CGGBP1: variants seen among roughly 807,000 people sequenced by gnomAD.
CGGBP1 encodes CGG triplet repeat binding protein 1.
CGGBP1 carries 4 observed loss-of-function variants against 11.4 expected under a neutral mutation model. The ratio of observed to expected loss-of-function variants is 0.35; its 90% CI spans 0.17 to 0.80. The LOEUF is 0.80. CGGBP1 is among the 30% of genes least tolerant of loss of function. CGGBP1 has a pLI of 0.52. For missense variants in CGGBP1, 135 were observed against 202.1 expected, an observed-to-expected ratio of 0.67 and a Z score of 2.01; for synonymous variants, 76 against 74.1, an observed-to-expected ratio of 1.03 and a Z score of -0.13.
rs1383798800 is a variant in CGGBP1, at chr3:88,107,093, C to A, written c.-229+33877G>T. Among the ~76,000 whole-genome samples the A allele has an allele frequency of 2.6e-5, 4 of 152,098 alleles. No individual in the cohort carries two copies. The South Asian group carries it at 6.2e-4, about 24-fold the overall frequency. On this transcript the variant is annotated intron_variant, in intron 2 of 3. Coordinates refer to the CGGBP1 transcript ENST00000462901. ...CACAATTTTGTAATGAAATTGTCTA[C>A]CCCCAGAAAAACTTGAAGATACTTT...
chr3:88,099,445 A>G (rs1278457900), intron 2 of CGGBP1, among the ~76,000 whole-genome samples: 4 of 152,184 alleles, frequency 2.6e-5, no homozygotes, highest in Admixed American at 6.6e-5. Context: ...CAAGCTACCA[A>G]TGCCTTTCTT....
rs1291447835 is a variant in CGGBP1, at chr3:88,129,961, ATAG to A, written c.-229+11006_-229+11008del. 16 of 708,866 alleles carry A rather than the reference ATAG, an allele frequency of 2.3e-5. No homozygotes were observed. In the African/African-American group the frequency reaches 2.3e-4, roughly 10 times the overall value. The allele number at this position is 708,866 out of a possible 1,614,324, so 43.9% of individuals were successfully genotyped here. A position where few individuals can be genotyped will look rare whatever the true frequency, so the allele number is the denominator to read the frequency against. On this transcript the variant is annotated intron_variant, in intron 2 of 3. Coordinates refer to the CGGBP1 transcript ENST00000462901. Reference sequence around the variant, plus strand: ...AAAAAAATTGATTGTGCAAGGAACAATAGTAGATTCTAAGAACTAGAGACTTTA... The same window carrying A: ...AAAAAAATTGATTGTGCAAGGAACAATAGATTCTAAGAACTAGAGACTTTA...
chr3:88,137,187 T>A (rs1431347150), intron 2 of CGGBP1, among the ~76,000 whole-genome samples: 1 of 95,274 alleles, frequency 1.0e-5, no homozygotes, highest in East Asian at 3.2e-4. Context: ...AGTGCGAGAC[T>A]CTGTCTCAAA....
Position 88,055,407 on chromosome 3 carries a change from C to A in CGGBP1, c.*66G>T. 7.4e-7 allele frequency: 1 copy of A among 1,347,322 alleles called. No individual in the cohort carries two copies. The highest frequency in any genetic ancestry group is 1.0e-6 in the Non-Finnish European group (1 of 1,001,486). The allele number at this position is 1,347,322 out of a possible 1,614,324, so 83.5% of individuals were successfully genotyped here. ...AAATGAAATAAATACAAAAATGAACCACACAATCAACACATAACTTTAATA... is the reference window on the plus strand; with the variant it reads ...AAATGAAATAAATACAAAAATGAACAACACAATCAACACATAACTTTAATA... On this transcript the variant is annotated 3_prime_UTR_variant, in exon 4 of 4. Coordinates refer to ENST00000482016, the MANE Select transcript of CGGBP1 (RefSeq NM_001008390.2). The surrounding 1 kb of genome is among the most constrained non-coding windows in gnomAD (Gnocchi z 4.2).
chr3:88,128,864 C>G, intron 2 of CGGBP1: 1 of 1,535,430 alleles, frequency 6.5e-7, no homozygotes, highest in African/African-American at 1.4e-5. Context: ...GTGCCAGATA[C>G]CTAATTGCTT....
chr3:88,122,808 G>A (rs187371651), intron 2 of CGGBP1, among the ~76,000 whole-genome samples: 5 of 151,990 alleles, frequency 3.3e-5, no homozygotes, highest in East Asian at 1.9e-4. Flanking sequence ...TGAGGAGTTC[G>A]ATACCAGCCT....
intron 2 of CGGBP1, among the ~76,000 whole-genome samples, chr3:88,089,617 A>G (rs903341604): frequency 1.3e-5 from 2 of 152,182 alleles, no homozygotes; most frequent in Admixed American, 6.5e-5. Context: ...TCATCTAGAA[A>G]CTGTTTCTTT....
At chr3:88,125,997 G>T in intron 2 of CGGBP1, 5 of 923,026 alleles carry the variant, frequency 5.4e-6, no homozygotes, top group Non-Finnish European at 7.6e-6. Context: ...CCCTACTTAG[G>T]TTACAATAGT....
rs533925979 is a variant in CGGBP1 at position 88,100,258 on chromosome 3, C to G, written c.-229+40712G>C. ...CACTGGCTATCAGAGAAATGCAAAT[C>G]AAAACCACAATGAGATACCATCTCA... On this transcript the variant is annotated intron_variant, in intron 2 of 3. Coordinates refer to the CGGBP1 transcript ENST00000462901. Among the ~76,000 whole-genome samples the G allele has an allele frequency of 3.9e-5, 6 of 152,258 alleles. No homozygotes were observed. In the South Asian group the frequency reaches 1.0e-3, roughly 26 times the overall value.
intron 1 of CGGBP1, chr3:88,144,296 A>G (rs1707256014): frequency 6.6e-6 from 1 of 152,362 alleles, no homozygotes; most frequent in Non-Finnish European, 1.5e-5. Flanking sequence ...ATTCTTTTCA[A>G]ATCACACTGA....
At chr3:88,086,159 C>A in intron 2 of CGGBP1, 1 of 1,119,768 alleles carries the variant, frequency 8.9e-7, no homozygotes, top group Non-Finnish European at 1.2e-6. Context: ...TCATGCCGAT[C>A]TAATATTTTA....
intron 2 of CGGBP1, chr3:88,140,024 C>G (rs753558140): frequency 6.2e-7 from 1 of 1,613,672 alleles, no homozygotes; most frequent in Non-Finnish European, 8.5e-7. Context: ...TGAAGTGGAG[C>G]AAAGGAAAAT....
intron 2 of CGGBP1, among the ~76,000 whole-genome samples, chr3:88,114,127 C>T (rs1187165016): frequency 6.6e-6 from 1 of 152,032 alleles, no homozygotes; most frequent in Non-Finnish European, 1.5e-5. Context: ...AAAAATCTTC[C>T]TATTGTGGAG....
upstream of CGGBP1, among the ~76,000 whole-genome samples, chr3:88,060,133 C>T (rs1189877695): frequency 6.6e-6 from 1 of 151,964 alleles, no homozygotes; most frequent in Non-Finnish European, 1.5e-5. Context: ...TTTTTAACCT[C>T]CTTCGGTTGA....
At chr3:88,104,992 TAGTC>T (rs1440208161) in intron 2 of CGGBP1, among the ~76,000 whole-genome samples, 1 of 151,934 alleles carries the variant, frequency 6.6e-6, no homozygotes. Context: ...TACCAAAAAT[TAGTC>T]AGGTGTGGTG....
intron 2 of CGGBP1, among the ~76,000 whole-genome samples, chr3:88,102,508 T>A (rs1479646188): frequency 6.6e-6 from 1 of 152,234 alleles, no homozygotes; most frequent in African/African-American, 2.4e-5. Context: ...GTGATGAAGG[T>A]CTTTTTGTGT....
At chr3:88,070,718 A>G (rs1203232864) in intron 2 of CGGBP1, among the ~76,000 whole-genome samples, 2 of 152,220 alleles carry the variant, frequency 1.3e-5, no homozygotes, top group Non-Finnish European at 2.9e-5. Context: ...CCCCTTAAGA[A>G]AAAAAGTATG....
intron 2 of CGGBP1, chr3:88,095,337 G>A (rs1384583363): frequency 3.8e-6 from 1 of 266,102 alleles, no homozygotes; most frequent in Non-Finnish European, 7.2e-6. Flanking sequence ...ATAGAAAGGG[G>A]TGGGGAGAAA....
At chr3:88,139,152 T>C (rs1458615164) in intron 2 of CGGBP1, 1 of 1,319,380 alleles carries the variant, frequency 7.6e-7, no homozygotes, top group South Asian at 2.7e-5. Context: ...ACAGCAAGGT[T>C]TGGATGAAGG....
Sources: allele counts gnomAD v4.1 joint callset (sites outside exome capture counted in the v4.1 genomes callset), GRCh38; gene constraint gnomAD v4.1.1; non-coding constraint Gnocchi (gnomAD v3.1); transcripts MANE v1.5; gene names NCBI Gene and HGNC (gene_info 2026-07-23, HGNC 2026-07-21).